The following APP variants were observed in gnomAD, a reference collection of about 807,000 sequenced individuals.
APP encodes the protein amyloid beta precursor protein.
In APP, 31 loss-of-function variants were observed where a neutral mutation model predicts 101.4. That is an observed-to-expected ratio of 0.31 (90% CI 0.23 to 0.41). APP has a LOEUF of 0.41. APP is among the 10% of genes least tolerant of loss of function. The pLI is 1.00. For missense variants in APP, 839 were observed against 1,003.7 expected, an observed-to-expected ratio of 0.84 and a Z score of 2.22; for synonymous variants, 366 against 364.4, an observed-to-expected ratio of 1.00 and a Z score of -0.05.
intron 11 of APP, among the ~76,000 whole-genome samples, chr21:25,963,091 G>A (rs927690170): frequency 2.1e-4 from 32 of 152,294 alleles, no homozygotes; most frequent in Non-Finnish European, 4.7e-4. Flanking sequence ...TGGGATTACA[G>A]GCGTGAGCCA....
intron 8 of APP, among the ~76,000 whole-genome samples, chr21:25,987,318 G>A (rs1329733928): frequency 6.6e-6 from 1 of 152,146 alleles, no homozygotes; most frequent in African/African-American, 2.4e-5. Context: ...GGCTAGGTAT[G>A]TTCCCCCCTC....
intron 1 of APP, among the ~76,000 whole-genome samples, chr21:26,142,881 T>C (rs900144429): frequency 6.6e-6 from 1 of 152,214 alleles, no homozygotes; most frequent in African/African-American, 2.4e-5. Context: ...GTAAAACTTA[T>C]GTTGAAATGG....
At chr21:26,008,335 GTTTCCTGTTTGTTA>G (rs768904551) in intron 6 of APP, among the ~76,000 whole-genome samples, 3 of 152,158 alleles carry the variant, frequency 2.0e-5, no homozygotes, top group Non-Finnish European at 2.9e-5. Flanking sequence ...CTCAACCTTT[GTTTCCTGTTTGTTA>G]TGGGAATAAA....
At chr21:26,030,462 T>C (rs2044770614) in intron 5 of APP, among the ~76,000 whole-genome samples, 1 of 152,240 alleles carries the variant, frequency 6.6e-6, no homozygotes, top group African/African-American at 2.4e-5. Context: ...ACATCTTAAA[T>C]ATGCTTCCTA....
In APP at chr21:25,911,732, G is replaced by A. The variant is rs201352332; in HGVS notation, c.1909+9C>T. On this transcript the variant is annotated intron_variant, in intron 14 of 17. Transcript: ENST00000346798. ...CCAGAACGCCCTTGCTGGCTCAGGG[G>A]ACTCTTACCTTCGTTTTCTGTGTTG... The A allele has an allele frequency of 9.3e-6, 15 of 1,613,554 alleles. No homozygotes were observed. The Admixed American group carries it at 1.0e-4, about 11-fold the overall frequency.
intron 16 of APP, among the ~76,000 whole-genome samples, chr21:25,896,033 G>C (rs1569020749): frequency 6.6e-6 from 1 of 152,102 alleles, no homozygotes; most frequent in Non-Finnish European, 1.5e-5. Flanking sequence ...ACAGGCCCCA[G>C]GCCCCGACAA....
chr21:25,964,803 T>C (rs1047223410), intron 11 of APP, among the ~76,000 whole-genome samples: 28 of 152,096 alleles, frequency 1.8e-4, no homozygotes, highest in Admixed American at 5.9e-4. Flanking sequence ...TTTCTCCATG[T>C]TGGTCCGGCT....
intron 17 of APP, among the ~76,000 whole-genome samples, chr21:25,884,231 C>A (rs2037178128): frequency 6.6e-6 from 1 of 152,180 alleles, no homozygotes; most frequent in Non-Finnish European, 1.5e-5. Context: ...CACTGTGAAT[C>A]CCTCCCATCT....
intron 2 of APP, among the ~76,000 whole-genome samples, chr21:26,096,650 G>A (rs527449465): frequency 3.3e-5 from 5 of 152,160 alleles, no homozygotes; most frequent in Non-Finnish European, 7.3e-5. Flanking sequence ...GGTGGCTTGC[G>A]CCTATAGTCC....
At chr21:26,054,257 T>C (rs1391197119) in intron 3 of APP, among the ~76,000 whole-genome samples, 1 of 152,118 alleles carries the variant, frequency 6.6e-6, no homozygotes, top group Non-Finnish European at 1.5e-5. Context: ...TGGTGAGAAG[T>C]AGTATGCCAC....
intron 17 of APP, among the ~76,000 whole-genome samples, chr21:25,885,152 A>G (rs1183296546): frequency 6.6e-6 from 1 of 152,258 alleles, no homozygotes; most frequent in East Asian, 1.9e-4. Context: ...AAGGGCATCC[A>G]AGGAGTATGG....
intron 2 of APP, among the ~76,000 whole-genome samples, chr21:26,096,307 C>G (rs1335932468): frequency 1.3e-5 from 2 of 152,198 alleles, no homozygotes; most frequent in African/African-American, 4.8e-5. Context: ...GGGCAGAAAA[C>G]ATAACGTGGC....
intron 8 of APP, among the ~76,000 whole-genome samples, chr21:25,995,957 A>C (rs2043039879): frequency 1.3e-5 from 2 of 149,734 alleles, no homozygotes; most frequent in Non-Finnish European, 3.0e-5. Flanking sequence ...TTTTTTTTTC[A>C]GGATAATGTA....
chr21:25,944,634 C>T (rs923941842), intron 13 of APP, among the ~76,000 whole-genome samples: 8 of 152,162 alleles, frequency 5.3e-5, no homozygotes, highest in East Asian at 1.9e-4. Context: ...TCTCAAAATT[C>T]GGGAAACATA....
chr21:26,159,119 G>A (rs560838021), intron 1 of APP, among the ~76,000 whole-genome samples: 127 of 151,374 alleles, frequency 8.4e-4, no homozygotes, highest in African/African-American at 3.0e-3. Context: ...GTCTCGCTCT[G>A]TTGCCTAGGC....
intron 5 of APP, among the ~76,000 whole-genome samples, chr21:26,044,759 G>A (rs895163684): frequency 7.9e-5 from 12 of 152,066 alleles, no homozygotes; most frequent in Non-Finnish European, 1.6e-4. Flanking sequence ...GGCTGGTCTC[G>A]AACTCCCAAC....
rs778792696 is a variant in APP at position 25,905,061 on chromosome 21, G to A, written c.1926C>T (p.Ala642=). 3 of 1,613,904 alleles carry A rather than the reference G, an allele frequency of 1.9e-6. No homozygotes were observed. The Admixed American group carries it at 5.0e-5, about 27-fold the overall frequency. The change falls in exon 15 of 18, where the codon GCC becomes GCT. Residue 642 remains alanine (A), a synonymous_variant. Transcript: ENST00000346798. ...NTENEVEPVD[A]RPAADRGLTT... is the part of the protein sequence containing the mutation. ...TCAGTCCTCGGTCGGCAGCAGGGCG[G>A]GCATCAACAGGCTCAACTGGGCACA...
intron 6 of APP, among the ~76,000 whole-genome samples, chr21:26,020,785 T>A (rs2044301320): frequency 6.6e-6 from 1 of 152,220 alleles, no homozygotes; most frequent in African/African-American, 2.4e-5. Context: ...TCCAACAGTT[T>A]ACTCGTTTCT....
intron 1 of APP, among the ~76,000 whole-genome samples, chr21:26,116,764 C>T (rs897407355): frequency 4.6e-5 from 7 of 152,168 alleles, no homozygotes; most frequent in African/African-American, 1.7e-4. Context: ...CTAATGAAAG[C>T]CATCTGTTTT....
Sources: allele counts gnomAD v4.1 joint callset (sites outside exome capture counted in the v4.1 genomes callset), GRCh38; gene constraint gnomAD v4.1.1; transcripts MANE v1.5; gene names NCBI Gene and HGNC (gene_info 2026-07-23, HGNC 2026-07-21).